Variants in COL22A1 observed in about 807,000 individuals in gnomAD.
The protein encoded by COL22A1 is collagen type XXII alpha 1 chain, also known as collagen alpha-1(XXII) chain.
A neutral mutation model predicts 248.9 loss-of-function variants in COL22A1; 221 were observed. That is an observed-to-expected ratio of 0.89 (90% CI 0.80 to 0.99). The LOEUF (loss-of-function observed/expected upper bound fraction) is 0.99, where lower values mean the gene tolerates loss of function less well. Among genes scored for constraint, COL22A1 ranks in the 50% least tolerant of loss-of-function variants. COL22A1 has a pLI of 0.00. For missense variants in COL22A1, 2,240 were observed against 2,179.0 expected (o/e 1.03, Z -0.56); for synonymous variants, 891 against 793.4 (o/e 1.12, Z -2.07).
chr8:138,615,942 T>C, intron 55 of COL22A1, 59 bp downstream of exon 55: 2 of 1,313,098 alleles, frequency 1.5e-6, no homozygotes, highest in Non-Finnish European at 2.2e-6. Context: ...TGGGTGTCAC[T>C]TCCTTGATAC....
At position 138,901,364 on chromosome 8, in the gene COL22A1, T is replaced by G. The variant is rs868222134; in HGVS notation, c.-73+12255A>C. ...ATCCACTCATTACTGGCAGGTTTTT[T>G]TTTTGTTTTTTTTTTTTTTTGAGAC... On this transcript the variant is annotated intron_variant, in intron 1 of 64. Coordinates refer to ENST00000303045, the MANE Select transcript of COL22A1 (RefSeq NM_152888.3). 7.4e-3 allele frequency among the ~76,000 whole-genome samples: 699 copies of G among 93,936 alleles called. 6 individuals carry two copies. The highest frequency in any genetic ancestry group is 0.022 in the African/African-American group (647 of 29,174). The allele number at this position is 93,936 out of a possible 152,430, so 61.6% of individuals were successfully genotyped here.
chr8:138,862,228 A>C (rs1427408135), intron 3 of COL22A1, among the ~76,000 whole-genome samples: 2 of 152,014 alleles, frequency 1.3e-5, no homozygotes, highest in Non-Finnish European at 2.9e-5. Flanking sequence ...AAAATGAAGA[A>C]ATACATAAAT....
chr8:138,865,951 G>A (rs1822861861), intron 3 of COL22A1, among the ~76,000 whole-genome samples: 2 of 151,758 alleles, frequency 1.3e-5, no homozygotes, highest in Admixed American at 1.3e-4. Flanking sequence ...GTGTATGTTT[G>A]TATGCCTGTG....
chr8:138,599,232 T>C (rs974884663), intron 60 of COL22A1, among the ~76,000 whole-genome samples: 1 of 148,096 alleles, frequency 6.8e-6, no homozygotes, highest in Non-Finnish European at 1.5e-5. Context: ...GTCCCAGCAC[T>C]CTGGGAGGCC....
intron 4 of COL22A1, among the ~76,000 whole-genome samples, chr8:138,834,407 C>T (rs544515367): frequency 6.6e-6 from 1 of 151,890 alleles, no homozygotes; most frequent in South Asian, 2.1e-4. Context: ...AGCCTCTTAG[C>T]CTCTTTTACC....
At chr8:138,615,105 G>A (rs1037352726) in intron 55 of COL22A1, among the ~76,000 whole-genome samples, 5 of 152,206 alleles carry the variant, frequency 3.3e-5, no homozygotes, top group Admixed American at 2.0e-4. Context: ...GCTGGTCCCT[G>A]GGGGATGTGG....
chr8:138,835,906 C>T (rs1820395933), intron 4 of COL22A1, among the ~76,000 whole-genome samples: 1 of 152,180 alleles, frequency 6.6e-6, no homozygotes, highest in Admixed American at 6.5e-5. Context: ...ACTTTCTCTC[C>T]CTGCCAGCTC....
At chr8:138,721,970 TCAAG>T in intron 26 of COL22A1, 62 bp downstream of exon 26, 1 of 1,217,666 alleles carries the variant, frequency 8.2e-7, no homozygotes, top group Non-Finnish European at 1.2e-6. Context: ...TCACCAACAA[TCAAG>T]CATCTCTTTA....
At chr8:138,855,433 T>G (rs11777748) in intron 3 of COL22A1, among the ~76,000 whole-genome samples, 2 of 152,246 alleles carry the variant, frequency 1.3e-5, no homozygotes, top group East Asian at 3.9e-4. Context: ...TGCATGCTCC[T>G]TGCTGCTGCC....
chr8:138,898,695 C>A (rs2132144804), intron 1 of COL22A1, among the ~76,000 whole-genome samples: 1 of 152,284 alleles, frequency 6.6e-6, no homozygotes, highest in African/African-American at 2.4e-5. Flanking sequence ...GTTCCCATTG[C>A]CTAGCTAACT....
At chr8:138,751,277 G>C (rs926584219) in intron 22 of COL22A1, among the ~76,000 whole-genome samples, 181 bp downstream of exon 22, 1 of 152,130 alleles carries the variant, frequency 6.6e-6, no homozygotes, top group Non-Finnish European at 1.5e-5. Context: ...CCCAACTCAA[G>C]GCAGAACACA....
chr8:138,862,439 G>A (rs1233034026), intron 3 of COL22A1, among the ~76,000 whole-genome samples: 1 of 152,210 alleles, frequency 6.6e-6, no homozygotes, highest in Non-Finnish European at 1.5e-5. Flanking sequence ...GGCCACTGCT[G>A]TCCCTTTATA....
At chr8:138,893,192 A>G (rs1825183854) in intron 1 of COL22A1, among the ~76,000 whole-genome samples, 1 of 152,234 alleles carries the variant, frequency 6.6e-6, no homozygotes, top group African/African-American at 2.4e-5. Context: ...TCTTCAGTCA[A>G]CAAATACAGA....
intron 53 of COL22A1, 51 bp from the exon 54 acceptor site, chr8:138,617,009 A>G (rs779483131): frequency 5.0e-6 from 8 of 1,603,924 alleles, no homozygotes; most frequent in Non-Finnish European, 6.8e-6. Context: ...CTCTTGGGGC[A>G]GAAGTGGGCA....
At chr8:138,673,759 A>AG (rs1257585212) in intron 41 of COL22A1, among the ~76,000 whole-genome samples, 1 of 152,052 alleles carries the variant, frequency 6.6e-6, no homozygotes, top group Non-Finnish European at 1.5e-5. Flanking sequence ...TGTAGTGGAC[A>AG]GGTCAGTTCC....
intron 22 of COL22A1, among the ~76,000 whole-genome samples, chr8:138,747,923 G>A (rs1404463457): frequency 6.6e-6 from 1 of 152,212 alleles, no homozygotes; most frequent in Middle Eastern, 3.2e-3. Context: ...TCCCCAATAA[G>A]ATGCCAGCAG....
intron 1 of COL22A1, among the ~76,000 whole-genome samples, chr8:138,884,241 T>C (rs1472114813): frequency 6.6e-6 from 1 of 152,214 alleles, no homozygotes; most frequent in Non-Finnish European, 1.5e-5. Flanking sequence ...CCTGAGCTCC[T>C]CAGCAGGGGG....
At chr8:138,692,462 CATGTGTGT>C (rs1290152177) in intron 35 of COL22A1, among the ~76,000 whole-genome samples, 91 of 46,272 alleles carry the variant, frequency 2.0e-3, no homozygotes, top group South Asian at 5.7e-3. Context: ...TGTGTGAGTG[CATGTGTGT>C]GTGTGTGTGT....
At chr8:138,759,269 C>T (rs915857161) in intron 18 of COL22A1, among the ~76,000 whole-genome samples, 1 of 152,178 alleles carries the variant, frequency 6.6e-6, no homozygotes, top group Non-Finnish European at 1.5e-5. Context: ...GAGCAGCCTT[C>T]TCCCATATTT....
Sources: allele counts gnomAD v4.1 joint callset (sites outside exome capture counted in the v4.1 genomes callset), GRCh38; gene constraint gnomAD v4.1.1; transcripts MANE v1.5; gene names NCBI Gene and HGNC (gene_info 2026-07-23, HGNC 2026-07-21).